The following NAA35 variants were observed in gnomAD, a reference collection of about 807,000 sequenced individuals.
NAA35 encodes N-alpha-acetyltransferase 35, NatC auxiliary subunit.
A neutral mutation model predicts 101.7 loss-of-function variants in NAA35; 18 were observed. That is an observed-to-expected ratio of 0.18 (90% CI 0.12 to 0.26). The LOEUF (loss-of-function observed/expected upper bound fraction) is 0.26. NAA35 is among the 10% of genes least tolerant of loss of function. The probability of loss-of-function intolerance (pLI) is 1.00; values close to 1 mark genes in which losing one functional copy is unlikely to be tolerated. For missense variants in NAA35, 601 were observed against 886.8 expected (o/e 0.68, Z 4.09); for synonymous variants, 267 against 273.1 (o/e 0.98, Z 0.22).
rs1330284171 is a variant in NAA35 at position 86,024,696 on chromosome 9, G to C, written c.*2736G>C. Among the ~76,000 whole-genome samples, 1 of 152,158 alleles carries C rather than the reference G, an allele frequency of 6.6e-6. No individual in the cohort carries two copies. Among genetic ancestry groups the C allele is most frequent in the Non-Finnish European group, 1.5e-5 (1 of 68,018 alleles). On this transcript the variant is annotated 3_prime_UTR_variant, in exon 23 of 23. Transcript: ENST00000361671. Reference sequence around the variant, plus strand: ...TTTTGGCTTTGGCAACTAGACGATGGTGGTGCCACTTGTGTAGATATCTAG... The same window carrying C: ...TTTTGGCTTTGGCAACTAGACGATGCTGGTGCCACTTGTGTAGATATCTAG...
chr9:85,986,302 A>G (rs1243600517), intron 11 of NAA35, among the ~76,000 whole-genome samples: 1 of 152,222 alleles, frequency 6.6e-6, no homozygotes, highest in African/African-American at 2.4e-5. Flanking sequence ...ATGCTGACTT[A>G]TTTACTTGAT....
rs554872996 is a variant in NAA35, at chr9:86,024,059, C to G, written c.*2099C>G. ...ATAATTTTTAAAGTAATCTGCCATTCAAGGTACTTACTGAAAAAAACAATA... is the reference window on the plus strand; with the variant it reads ...ATAATTTTTAAAGTAATCTGCCATTGAAGGTACTTACTGAAAAAAACAATA... On this transcript the variant is annotated 3_prime_UTR_variant, in exon 23 of 23. Transcript: ENST00000361671. 6.6e-6 allele frequency among the ~76,000 whole-genome samples: 1 copy of G among 152,268 alleles called. No individual in the cohort carries two copies. The highest frequency in any genetic ancestry group is 2.1e-4 in the South Asian group (1 of 4,820).
At chr9:85,976,999 C>T (rs984881044) in intron 9 of NAA35, among the ~76,000 whole-genome samples, 7 of 152,072 alleles carry the variant, frequency 4.6e-5, no homozygotes, top group Non-Finnish European at 1.0e-4. Flanking sequence ...CACCAGAGCG[C>T]CACAGTATCA....
chr9:86,017,700 C>G, intron 19 of NAA35, 135 bp downstream of exon 19: 1 of 717,462 alleles, frequency 1.4e-6, no homozygotes. Flanking sequence ...TTGAAGATTA[C>G]CTTTATTATC....
At chr9:86,003,674 TTTA>T in intron 13 of NAA35, 30 bp downstream of exon 13, 1 of 1,354,224 alleles carries the variant, frequency 7.4e-7, no homozygotes. Flanking sequence ...AAAATACTTA[TTTA>T]AACATTATAT....
intron 12 of NAA35, among the ~76,000 whole-genome samples, chr9:86,000,284 G>T (rs999859432): frequency 2.0e-5 from 3 of 152,112 alleles, no homozygotes; most frequent in Non-Finnish European, 4.4e-5. Flanking sequence ...TTGATGTGCT[G>T]CTGGATTCGA....
chr9:85,958,999 G>T (rs1453629492), intron 4 of NAA35, among the ~76,000 whole-genome samples: 1 of 152,100 alleles, frequency 6.6e-6, no homozygotes, highest in Non-Finnish European at 1.5e-5. Flanking sequence ...ATTTTATAAA[G>T]AAAGATTTAC....
At chr9:85,949,125 G>A (rs936371458) in intron 2 of NAA35, among the ~76,000 whole-genome samples, 1 of 151,978 alleles carries the variant, frequency 6.6e-6, no homozygotes, top group Non-Finnish European at 1.5e-5. Flanking sequence ...TTTCACTGTG[G>A]TCTGGAGCCT....
At chr9:86,003,538 T>G (rs1342109561) in intron 12 of NAA35, 47 bp from the exon 13 acceptor site, 13 of 1,169,644 alleles carry the variant, frequency 1.1e-5, no homozygotes, top group African/African-American at 3.1e-5. Context: ...TTTTTAGCTT[T>G]TATTTAATCT....
intron 2 of NAA35, among the ~76,000 whole-genome samples, chr9:85,955,487 C>G (rs993825205): frequency 1.3e-5 from 2 of 150,128 alleles, no homozygotes; most frequent in Non-Finnish European, 3.0e-5. Flanking sequence ...CTCAGCCTCC[C>G]GAGTAGCTGG....
chr9:85,970,599 T>C (rs1032466311), intron 6 of NAA35, among the ~76,000 whole-genome samples: 18 of 152,162 alleles, frequency 1.2e-4, no homozygotes, highest in Non-Finnish European at 2.1e-4. Context: ...AAATATGATA[T>C]AACTTAAATT....
chr9:85,948,881 C>T (rs1828882235), intron 2 of NAA35, among the ~76,000 whole-genome samples: 1 of 152,082 alleles, frequency 6.6e-6, no homozygotes, highest in African/African-American at 2.4e-5. Flanking sequence ...CCTCAGCCTC[C>T]CGGGTAGCAG....
chr9:85,962,238 C>T, intron 6 of NAA35, 58 bp downstream of exon 6: 2 of 1,555,074 alleles, frequency 1.3e-6, no homozygotes, highest in South Asian at 2.4e-5. Context: ...TGCCTGTAAT[C>T]TCAGCAGTTT....
At chr9:85,978,758 C>T (rs1830317832) in intron 11 of NAA35, among the ~76,000 whole-genome samples, 1 of 152,112 alleles carries the variant, frequency 6.6e-6, no homozygotes, top group African/African-American at 2.4e-5. Context: ...AAATCTTCCT[C>T]CCCGAGAATT....
At chr9:85,950,261 T>C (rs555480697) in intron 2 of NAA35, among the ~76,000 whole-genome samples, 1 of 152,206 alleles carries the variant, frequency 6.6e-6, no homozygotes, top group Non-Finnish European at 1.5e-5. Context: ...TTCTTTTTTT[T>C]AGATGTGGAG....
rs1481044393 is a variant in NAA35 at position 86,023,498 on chromosome 9, T to C, written c.*1538T>C. On this transcript the variant is annotated 3_prime_UTR_variant, in exon 23 of 23. Coordinates refer to ENST00000361671, the MANE Select transcript of NAA35 (RefSeq NM_024635.4). The stretch of plus-strand genomic sequence containing the variant: ...TTGGCAAACAACCAAGAAGAGAGCC[T>C]GAAGCAAGTTAGAAAGCTGAGAAAT... Among the ~76,000 whole-genome samples, 1 of 152,210 alleles carries C rather than the reference T, an allele frequency of 6.6e-6. No homozygotes were observed. The highest frequency in any genetic ancestry group is 1.9e-4 in the East Asian group (1 of 5,202).
chr9:86,010,729 A>G (rs1249440336), intron 15 of NAA35, among the ~76,000 whole-genome samples: 2 of 150,596 alleles, frequency 1.3e-5, no homozygotes, highest in East Asian at 2.0e-4. Context: ...CGCCGCCATC[A>G]TGCCTGGCTA....
chr9:85,947,142 A>T (rs1446594161), intron 2 of NAA35, among the ~76,000 whole-genome samples: 6 of 152,216 alleles, frequency 3.9e-5, no homozygotes, highest in Admixed American at 2.6e-4. Context: ...GATTGCCTGT[A>T]ACCAGCATAA....
intron 6 of NAA35, among the ~76,000 whole-genome samples, chr9:85,967,822 G>A (rs1446364938): frequency 6.6e-6 from 1 of 151,766 alleles, no homozygotes; most frequent in Admixed American, 6.6e-5. Flanking sequence ...GATTTATAAT[G>A]AGCAAATTAT....
Sources: allele counts gnomAD v4.1 joint callset (sites outside exome capture counted in the v4.1 genomes callset), GRCh38; gene constraint gnomAD v4.1.1; transcripts MANE v1.5; gene names NCBI Gene and HGNC (gene_info 2026-07-23, HGNC 2026-07-21).